The following GRK7 variants were observed in gnomAD, a reference collection of about 807,000 sequenced individuals.
The protein encoded by GRK7 is rhodopsin kinase GRK7.
GRK7 carries 24 observed loss-of-function variants against 34.1 expected under a neutral mutation model. That is an observed-to-expected ratio of 0.70 (90% CI 0.51 to 0.99). The LOEUF is 0.99. Ranked by LOEUF, GRK7 falls within the 50% of genes least tolerant of loss-of-function variation. The probability of loss-of-function intolerance (pLI) is 0.00; values close to 1 mark genes in which losing one functional copy is unlikely to be tolerated. For missense variants in GRK7, 644 were observed against 707.3 expected (o/e 0.91, Z 1.02); for synonymous variants, 256 against 279.4 (o/e 0.92, Z 0.84).
At chr3:141,802,121 C>G (rs772511384) in intron 4 of GRK7, among the ~76,000 whole-genome samples, 1 of 152,070 alleles carries the variant, frequency 6.6e-6, no homozygotes, top group South Asian at 2.1e-4. Context: ...GTAATCCCAG[C>G]ACTTTGAGAG....
At chr3:141,805,722 T>G (rs1711030013) in intron 4 of GRK7, among the ~76,000 whole-genome samples, 1 of 152,238 alleles carries the variant, frequency 6.6e-6, no homozygotes, top group African/African-American at 2.4e-5. Flanking sequence ...TCCATGAAAT[T>G]TCATATTTCT....
At position 141,764,683 on chromosome 3, in the gene GRK7, C is replaced by G. The variant is rs1559837103; in HGVS notation, c.-1270C>G. On this transcript the variant is annotated 5_prime_UTR_variant, in exon 1 of 6. Transcript: ENST00000682958. ...CTGGGGTGACTCCCAGTGAGTATCT[C>G]CAGCCCAGCCCTCTCCTGTGGGTTC... 6.6e-6 allele frequency among the ~76,000 whole-genome samples: 1 copy of G among 152,148 alleles called. No homozygotes were observed.
upstream of GRK7, among the ~76,000 whole-genome samples, chr3:141,762,710 C>T (rs1265304540): frequency 6.6e-6 from 1 of 152,108 alleles, no homozygotes; most frequent in African/African-American, 2.4e-5. Flanking sequence ...GCCCCTCCCC[C>T]AGCCTCGCTG....
At chr3:141,804,251 T>C (rs1005595217) in intron 4 of GRK7, among the ~76,000 whole-genome samples, 2 of 152,144 alleles carry the variant, frequency 1.3e-5, no homozygotes, top group Non-Finnish European at 2.9e-5. Context: ...GGGAGAGATG[T>C]TGTCTTTAGT....
chr3:141,777,425 C>T (rs1312805821), intron 2 of GRK7, among the ~76,000 whole-genome samples: 1 of 140,612 alleles, frequency 7.1e-6, no homozygotes, highest in Non-Finnish European at 1.5e-5. Flanking sequence ...CCCGGGTTCA[C>T]GCCATTCTCC....
intron 4 of GRK7, among the ~76,000 whole-genome samples, chr3:141,788,026 C>A (rs1194737699): frequency 6.6e-6 from 1 of 151,908 alleles, no homozygotes; most frequent in Non-Finnish European, 1.5e-5. Context: ...AACAAACAAA[C>A]AAAAAACGAG....
chr3:141,764,730 C>T lies in GRK7; in HGVS notation c.-1223C>T, dbSNP rs1286971841. On this transcript the variant is annotated 5_prime_UTR_variant, in exon 1 of 6. Transcript: ENST00000682958. Reference sequence around the variant, plus strand: ...GTTCCAGACCCATAGATCTTGTAGACTACTCAAGACCTCAGTTTGGCTGTC... The same window carrying T: ...GTTCCAGACCCATAGATCTTGTAGATTACTCAAGACCTCAGTTTGGCTGTC... Among the ~76,000 whole-genome samples the T allele has an allele frequency of 6.6e-6, 1 of 152,156 alleles. No individual in the cohort carries two copies. The highest frequency in any genetic ancestry group is 1.5e-5 in the Non-Finnish European group (1 of 68,016).
chr3:141,816,700 T>C lies in GRK7; in HGVS notation c.1326-14T>C. ...TTAACTCTGTCTCAGGCTGATCATC[T>C]CCTTTCTTCACAGAGAAAAGTCTGA... is the stretch of plus-strand genomic sequence containing the variant. On this transcript the variant is annotated splice_polypyrimidine_tract_variant and intron_variant, in intron 5 of 5. Coordinates refer to ENST00000682958, the MANE Select transcript of GRK7 (RefSeq NM_139209.3). 1 of 1,484,864 alleles carries C rather than the reference T, an allele frequency of 6.7e-7. No homozygotes were observed. The highest frequency in any genetic ancestry group is 9.0e-7 in the Non-Finnish European group (1 of 1,105,244). 92.0% of individuals were successfully genotyped at this position (1,484,864 alleles called of 1,614,324 possible).
chr3:141,806,963 ATATG>A (rs1290724501), intron 4 of GRK7, among the ~76,000 whole-genome samples: 4 of 151,934 alleles, frequency 2.6e-5, no homozygotes, highest in African/African-American at 4.8e-5. Flanking sequence ...TATAAAGTGA[ATATG>A]TATATATATT....
At chr3:141,770,716 C>A (rs2084613283) in intron 1 of GRK7, among the ~76,000 whole-genome samples, 1 of 152,204 alleles carries the variant, frequency 6.6e-6, no homozygotes, top group Non-Finnish European at 1.5e-5. Flanking sequence ...CACCTCACAC[C>A]AGTCAGAACA....
chr3:141,811,668 T>C (rs1711093635), intron 5 of GRK7, among the ~76,000 whole-genome samples: 2 of 152,244 alleles, frequency 1.3e-5, no homozygotes, highest in African/African-American at 2.4e-5. Context: ...TTCAACTCTT[T>C]ATATTTTTAA....
Position 141,817,744 on chromosome 3 carries a change from A to G in GRK7, c.*694A>G, listed in dbSNP as rs1711168899. The stretch of plus-strand genomic sequence containing the variant: ...TATGGTACAAATTGCTTCAACTTGC[A>G]CTACCATATGCCATCGGTTCCCAAA... On this transcript the variant is annotated 3_prime_UTR_variant, in exon 6 of 6. Transcript: ENST00000682958. 6.6e-6 allele frequency: 1 copy of G among 152,240 alleles called. No homozygotes were observed. Among genetic ancestry groups the G allele is most frequent in the South Asian group, 2.1e-4 (1 of 4,828 alleles). The allele number at this position is 152,240 out of a possible 1,614,324, so 9.4% of individuals were successfully genotyped here. A position where few individuals can be genotyped will look rare whatever the true frequency, so the allele number is the denominator to read the frequency against.
intron 5 of GRK7, among the ~76,000 whole-genome samples, chr3:141,814,920 G>GT (rs33965909): frequency 0.18 from 21,657 of 120,364 alleles, 2,650 homozygotes; most frequent in East Asian, 0.35. Flanking sequence ...TTGTTGGTTG[G>GT]TTTTTTTTTT....
At chr3:141,807,589 A>G (rs1711048209) in intron 4 of GRK7, 56 bp from the exon 5 acceptor site, 3 of 1,493,768 alleles carry the variant, frequency 2.0e-6, no homozygotes, top group East Asian at 2.3e-5. Context: ...TGTCTGCTAC[A>G]CTCACCTTAG....
rs2084653626 is a variant in GRK7, at chr3:141,778,548, G to A, written c.264G>A (p.Glu88=). The part of the protein sequence containing the change: ...PTFRKAATFL[E]DVQNWELAEE... ...TCCGCAAGGCGGCAACCTTCCTAGA[G>A]GACGTGCAGAACTGGGAGCTGGCCG... The change falls in exon 3 of 6, where the codon GAG becomes GAA. Residue 88 remains glutamate, a synonymous_variant. Coordinates refer to ENST00000682958, the MANE Select transcript of GRK7 (RefSeq NM_139209.3). This position sits in a 1 kb window ranked among gnomAD's most constrained non-coding sequence, Gnocchi z 4.1. The A allele has an allele frequency of 6.2e-7, 1 of 1,613,378 alleles. No individual in the cohort carries two copies. Among genetic ancestry groups the A allele is most frequent in the Non-Finnish European group, 8.5e-7 (1 of 1,179,972 alleles).
chr3:141,792,403 C>CA (rs112448886), intron 4 of GRK7, among the ~76,000 whole-genome samples: 6,394 of 84,398 alleles, frequency 0.076, 364 homozygotes, highest in African/African-American at 0.18. Flanking sequence ...GATTTTGTCT[C>CA]AAAAAAAAAA....
chr3:141,789,926 C>T (rs891261187), intron 4 of GRK7, among the ~76,000 whole-genome samples: 2 of 152,134 alleles, frequency 1.3e-5, no homozygotes, highest in Non-Finnish European at 2.9e-5. Flanking sequence ...ATTCCAGGCA[C>T]ATCAGATTTA....
chr3:141,805,116 ACAAT>A (rs1168520341), intron 4 of GRK7, among the ~76,000 whole-genome samples: 17 of 151,910 alleles, frequency 1.1e-4, no homozygotes, highest in Admixed American at 1.0e-3. Context: ...ACATACACAC[ACAAT>A]CAGATACACA....
At chr3:141,805,012 T>G (rs563344119) in intron 4 of GRK7, among the ~76,000 whole-genome samples, 2 of 141,824 alleles carry the variant, frequency 1.4e-5, no homozygotes, top group African/African-American at 5.3e-5. Flanking sequence ...TCACACACAC[T>G]CATACACCCA....
Sources: allele counts gnomAD v4.1 joint callset (sites outside exome capture counted in the v4.1 genomes callset), GRCh38; gene constraint gnomAD v4.1.1; non-coding constraint Gnocchi (gnomAD v3.1); transcripts MANE v1.5; gene names NCBI Gene and HGNC (gene_info 2026-07-23, HGNC 2026-07-21).